Variants in SPAG6 observed in about 807,000 individuals in gnomAD.
The protein encoded by SPAG6 is sperm associated antigen 6, also known as sperm-associated antigen 6.
Under a neutral mutation model 58.5 loss-of-function variants are expected in SPAG6, and 49 were observed. The ratio of observed to expected loss-of-function variants is 0.84; its 90% CI spans 0.67 to 1.06. The LOEUF (loss-of-function observed/expected upper bound fraction) is 1.06. SPAG6 is among the 50% of genes least tolerant of loss of function. The pLI is 0.00. For missense variants in SPAG6, 560 were observed against 611.3 expected, an observed-to-expected ratio of 0.92 and a Z score of 0.89; for synonymous variants, 233 against 225.6, an observed-to-expected ratio of 1.03 and a Z score of -0.29.
chr10:22,366,626 T>G (rs1837208918), intron 3 of SPAG6, among the ~76,000 whole-genome samples: 1 of 152,164 alleles, frequency 6.6e-6, no homozygotes. Flanking sequence ...TTCCTTATAT[T>G]TATAGATGAG....
rs901530982 is a variant in SPAG6, at chr10:22,392,939, GT to G, written c.1197+1024del. On this transcript the variant is annotated intron_variant, in intron 8 of 10. Coordinates refer to ENST00000376624, the MANE Select transcript of SPAG6 (RefSeq NM_012443.4). ...TTCTAAGATTTAACTTTTTTTTTCA[GT>G]TTTTATAAGGCTTTCTAGACCAACA... Among the ~76,000 whole-genome samples the G allele has an allele frequency of 2.6e-5, 4 of 151,464 alleles. No individual in the cohort carries two copies. In the East Asian group the frequency reaches 7.7e-4, roughly 29 times the overall value.
At chr10:22,393,034 A>G (rs1834216820) in intron 8 of SPAG6, among the ~76,000 whole-genome samples, 1 of 152,140 alleles carries the variant, frequency 6.6e-6, no homozygotes, top group African/African-American at 2.4e-5. Context: ...ATGCTTGGTA[A>G]AGAGAGAAAG....
At chr10:22,405,455 A>G (rs1340679583) in intron 9 of SPAG6, among the ~76,000 whole-genome samples, 2 of 149,468 alleles carry the variant, frequency 1.3e-5, no homozygotes, top group East Asian at 3.9e-4. Context: ...ATTTGCATAT[A>G]TTGAACCAGC....
Position 22,345,851 on chromosome 10 carries a change from C to G in SPAG6, c.121+33C>G. The G allele has an allele frequency of 6.3e-7, 1 of 1,599,990 alleles. No homozygotes were observed. Among genetic ancestry groups the G allele is most frequent in the Non-Finnish European group, 8.5e-7 (1 of 1,173,566 alleles). ...CGGAGCCCGAACCCCCGTCGCCCCCCGCGCACTGAGTCCCCGACGCCTCCG... is the reference window on the plus strand; with the variant it reads ...CGGAGCCCGAACCCCCGTCGCCCCCGGCGCACTGAGTCCCCGACGCCTCCG... On this transcript the variant is annotated intron_variant, in intron 2 of 10. Coordinates refer to ENST00000376624, the MANE Select transcript of SPAG6 (RefSeq NM_012443.4). This position sits in a 1 kb window ranked among gnomAD's most constrained non-coding sequence, Gnocchi z 6.3.
At chr10:22,348,137 T>G (rs562395802) in intron 2 of SPAG6, among the ~76,000 whole-genome samples, 13 of 152,166 alleles carry the variant, frequency 8.5e-5, no homozygotes, top group African/African-American at 3.1e-4. Context: ...ACTACAGGTG[T>G]GCGCCACCAT....
chr10:22,386,852 C>T lies in SPAG6; in HGVS notation c.571C>T (p.Leu191Phe), dbSNP rs1002155537. The T allele has an allele frequency of 3.1e-6, 5 of 1,613,604 alleles. No individual in the cohort carries two copies. The highest frequency in any genetic ancestry group is 3.4e-6 in the Non-Finnish European group (4 of 1,179,728). The change falls in exon 5 of 11, where the codon CTC (leucine) becomes TTC (phenylalanine). Residue 191 changes from leucine to phenylalanine, a missense_variant. Transcript: ENST00000376624. ...TTTGAAAAGGATTGCTGCTTCGGCC[C>T]TCAGTGATATTGCAAAGCATTCTCC... ...IALKRIAASA[L>F]SDIAKHSPEL...
At chr10:22,352,543 G>A (rs1836758198) in intron 2 of SPAG6, among the ~76,000 whole-genome samples, 1 of 152,172 alleles carries the variant, frequency 6.6e-6, no homozygotes. Flanking sequence ...TTGAGACGGA[G>A]TTTCACTCTT....
At chr10:22,409,244 G>A (rs1834657072) in intron 9 of SPAG6, among the ~76,000 whole-genome samples, 2 of 152,154 alleles carry the variant, frequency 1.3e-5, no homozygotes, top group Non-Finnish European at 2.9e-5. Flanking sequence ...AGTGGCTGGG[G>A]ACAGAGATAG....
intron 8 of SPAG6, among the ~76,000 whole-genome samples, chr10:22,397,882 C>CT (rs35415398): frequency 7.2e-5 from 11 of 151,752 alleles, no homozygotes; most frequent in African/African-American, 2.2e-4. Flanking sequence ...TCCTAGCTGG[C>CT]TTTTTTTTCC....
At chr10:22,359,909 A>G (rs1269506332) in intron 2 of SPAG6, among the ~76,000 whole-genome samples, 1 of 152,194 alleles carries the variant, frequency 6.6e-6, no homozygotes, top group African/African-American at 2.4e-5. Context: ...TAAAAGAACA[A>G]AGTTGCAATG....
intron 9 of SPAG6, among the ~76,000 whole-genome samples, chr10:22,404,774 A>G (rs1350116122): frequency 4.7e-5 from 7 of 150,248 alleles, no homozygotes; most frequent in Non-Finnish European, 8.9e-5. Flanking sequence ...ATGAGCATGG[A>G]ATGTTCTTCC....
intron 10 of SPAG6, among the ~76,000 whole-genome samples, chr10:22,415,010 C>T (rs1004434053): frequency 6.6e-6 from 1 of 152,138 alleles, no homozygotes; most frequent in Non-Finnish European, 1.5e-5. Flanking sequence ...AGGTGTTCCA[C>T]CCTCCTCAGC....
At chr10:22,376,346 T>C (rs1833813935) in intron 4 of SPAG6, among the ~76,000 whole-genome samples, 1 of 152,248 alleles carries the variant, frequency 6.6e-6, no homozygotes, top group Non-Finnish European at 1.5e-5. Flanking sequence ...ATGTTGAAAT[T>C]ATATTTGAGA....
At chr10:22,379,879 T>C (rs1046581093) in intron 4 of SPAG6, among the ~76,000 whole-genome samples, 6 of 152,098 alleles carry the variant, frequency 3.9e-5, no homozygotes, top group African/African-American at 1.4e-4. Context: ...ACTGTAGCCT[T>C]GACCTCCTGG....
intron 9 of SPAG6, among the ~76,000 whole-genome samples, chr10:22,406,372 T>G (rs1214102548): frequency 6.6e-6 from 1 of 152,234 alleles, no homozygotes; most frequent in Non-Finnish European, 1.5e-5. Flanking sequence ...AACATCTTTA[T>G]TTCTGCCTTC....
At position 22,416,846 on chromosome 10, in the gene SPAG6, C is replaced by A; in HGVS notation, c.*158C>A. The A allele has an allele frequency of 2.0e-6, 1 of 490,854 alleles. No individual in the cohort carries two copies. Among genetic ancestry groups the A allele is most frequent in the Middle Eastern group, 5.6e-4 (1 of 1,776 alleles). The allele number at this position is 490,854 out of a possible 1,614,324, so 30.4% of individuals were successfully genotyped here. A position where few individuals can be genotyped will look rare whatever the true frequency, so the allele number is the denominator to read the frequency against. On this transcript the variant is annotated 3_prime_UTR_variant, in exon 11 of 11. Coordinates refer to ENST00000376624, the MANE Select transcript of SPAG6 (RefSeq NM_012443.4). Reference sequence around the variant, plus strand: ...AAATTTATGTAATACTTTAAACATTCGTAGCTTGAATATGTGAGGAACTAT... The same window carrying A: ...AAATTTATGTAATACTTTAAACATTAGTAGCTTGAATATGTGAGGAACTAT...
intron 9 of SPAG6, among the ~76,000 whole-genome samples, chr10:22,403,581 G>C (rs1834470763): frequency 6.7e-6 from 1 of 149,676 alleles, no homozygotes; most frequent in African/African-American, 2.5e-5. Flanking sequence ...TGTGAATAGT[G>C]CCACAATAAA....
rs564448468 is a variant in SPAG6, at chr10:22,403,605, G to A, written c.1314+2328G>A. 3.6e-3 allele frequency among the ~76,000 whole-genome samples: 530 copies of A among 148,508 alleles called. 14 individuals are homozygous for A. Among genetic ancestry groups the A allele is most frequent in the Admixed American group, 0.029 (444 of 15,138 alleles). On this transcript the variant is annotated intron_variant, in intron 9 of 10. Transcript: ENST00000376624. ...TGCCACAATAAACATACGTGTGCAT[G>A]TGTCTTTATAGCAGCATGATTTATA... is the stretch of plus-strand genomic sequence containing the variant.
At chr10:22,357,183 C>G (rs955572269) in intron 2 of SPAG6, among the ~76,000 whole-genome samples, 6 of 152,168 alleles carry the variant, frequency 3.9e-5, no homozygotes, top group Non-Finnish European at 8.8e-5. Context: ...GCCTTCAGAT[C>G]TCAACTTCAG....
Sources: allele counts gnomAD v4.1 joint callset (sites outside exome capture counted in the v4.1 genomes callset), GRCh38; gene constraint gnomAD v4.1.1; non-coding constraint Gnocchi (gnomAD v3.1); transcripts MANE v1.5; gene names NCBI Gene and HGNC (gene_info 2026-07-23, HGNC 2026-07-21).